NKAIN3: variants seen among roughly 807,000 people sequenced by gnomAD.
NKAIN3 encodes the protein sodium/potassium transporting ATPase interacting 3.
In NKAIN3, 25 loss-of-function variants were observed where a neutral mutation model predicts 30.2. That is an observed-to-expected ratio of 0.83 (90% CI 0.60 to 1.16). The LOEUF (loss-of-function observed/expected upper bound fraction) is 1.16. Among genes scored for constraint, NKAIN3 ranks in the 50% most tolerant of loss-of-function variants. The probability of loss-of-function intolerance (pLI) is 0.00; values close to 1 mark genes in which losing one functional copy is unlikely to be tolerated. For synonymous variants in NKAIN3, 91 were observed against 89.6 expected (o/e 1.02, Z -0.09); for missense variants, 225 against 254.1 (o/e 0.89, Z 0.78).
intron 5 of NKAIN3, among the ~76,000 whole-genome samples, chr8:62,921,472 C>T (rs1008883795): frequency 6.6e-6 from 1 of 152,210 alleles, no homozygotes; most frequent in Non-Finnish European, 1.5e-5. Flanking sequence ...CAGATATTTC[C>T]GAAGGGTAAT....
At chr8:62,371,697 A>G (rs902155197) in intron 1 of NKAIN3, among the ~76,000 whole-genome samples, 8 of 151,996 alleles carry the variant, frequency 5.3e-5, no homozygotes, top group African/African-American at 1.9e-4. Flanking sequence ...TTTATTTAAT[A>G]CACTTTAAAA....
intron 1 of NKAIN3, among the ~76,000 whole-genome samples, chr8:62,564,945 A>G (rs1809702895): frequency 6.6e-6 from 1 of 152,200 alleles, no homozygotes; most frequent in Admixed American, 6.6e-5. Flanking sequence ...TGGATTTAAT[A>G]TTGTATGTTT....
At chr8:62,258,023 T>G (rs1812313407) in intron 1 of NKAIN3, among the ~76,000 whole-genome samples, 1 of 148,858 alleles carries the variant, frequency 6.7e-6, no homozygotes, top group African/African-American at 2.6e-5. Flanking sequence ...CATGAACTAC[T>G]TATTTTATTT....
chr8:62,375,371 T>G (rs1393424433), intron 1 of NKAIN3, among the ~76,000 whole-genome samples: 1 of 152,158 alleles, frequency 6.6e-6, no homozygotes, highest in East Asian at 1.9e-4. Flanking sequence ...TGAAACCCAC[T>G]GATAGCACAC....
intron 5 of NKAIN3, among the ~76,000 whole-genome samples, chr8:62,936,178 G>T (rs993797321): frequency 6.6e-6 from 1 of 152,108 alleles, no homozygotes; most frequent in African/African-American, 2.4e-5. Flanking sequence ...GGCCATCTTC[G>T]TGATTTCGCA....
At chr8:62,655,494 AAT>A (rs1812738182) in intron 3 of NKAIN3, among the ~76,000 whole-genome samples, 1 of 152,132 alleles carries the variant, frequency 6.6e-6, no homozygotes, top group African/African-American at 2.4e-5. Context: ...CTGAATTTTA[AAT>A]AGTCACTATA....
At chr8:62,391,635 T>C (rs1817585942) in intron 1 of NKAIN3, among the ~76,000 whole-genome samples, 1 of 151,940 alleles carries the variant, frequency 6.6e-6, no homozygotes, top group Admixed American at 6.6e-5. Flanking sequence ...GCATATGTAA[T>C]ATTATTTTAA....
chr8:62,318,657 C>A (rs1398701817), intron 1 of NKAIN3, among the ~76,000 whole-genome samples: 1 of 152,148 alleles, frequency 6.6e-6, no homozygotes. Context: ...ATATGTTGAA[C>A]CAGACTTGCA....
Position 62,845,546 on chromosome 8 carries a change from T to C in NKAIN3, c.472-72907T>C, listed in dbSNP as rs751223908. The stretch of plus-strand genomic sequence containing the variant: ...ATGACGAAAGAGGATTGGATCAGGA[T>C]TGAAAACTCTAAATAACTGATGTAG... On this transcript the variant is annotated intron_variant, in intron 4 of 6. Transcript: ENST00000623646. Among the ~76,000 whole-genome samples, 119 of 152,000 alleles carry C rather than the reference T, an allele frequency of 7.8e-4. 1 individual carries two copies. Among genetic ancestry groups the C allele is most frequent in the Middle Eastern group, 6.8e-3 (2 of 294 alleles).
chr8:62,540,455 A>G (rs1170114973), intron 1 of NKAIN3, among the ~76,000 whole-genome samples: 1 of 152,182 alleles, frequency 6.6e-6, no homozygotes, highest in East Asian at 1.9e-4. Flanking sequence ...GTAGTGTACT[A>G]CATTTCCATT....
intron 4 of NKAIN3, among the ~76,000 whole-genome samples, chr8:62,837,980 T>G (rs16929679): frequency 0.084 from 12,734 of 152,008 alleles, 586 homozygotes; most frequent in South Asian, 0.14. Flanking sequence ...GTCCTAATGC[T>G]GATAAGAATG....
At chr8:62,577,612 A>G (rs1202652028) in intron 1 of NKAIN3, among the ~76,000 whole-genome samples, 1 of 145,944 alleles carries the variant, frequency 6.9e-6, no homozygotes, top group Non-Finnish European at 1.5e-5. Flanking sequence ...TGATGGCCCT[A>G]TAAATAAAAT....
At position 62,615,941 on chromosome 8, in the gene NKAIN3, C is replaced by A. The variant is rs140035210; in HGVS notation, c.273+26147C>A. ...GTTGAAGCCAGGTGCTATGATTGCT[C>A]GCCTGATTTTTGATTCTTATGAAGG... On this transcript the variant is annotated intron_variant, in intron 3 of 6. Transcript: ENST00000623646. Among the ~76,000 whole-genome samples, 1,245 of 152,060 alleles carry A rather than the reference C, an allele frequency of 8.2e-3. 7 individuals carry two copies. Among genetic ancestry groups the A allele is most frequent in the Middle Eastern group, 0.014 (4 of 294 alleles).
At chr8:62,695,033 G>A (rs992818393) in intron 3 of NKAIN3, among the ~76,000 whole-genome samples, 1 of 152,126 alleles carries the variant, frequency 6.6e-6, no homozygotes, top group Admixed American at 6.6e-5. Context: ...CCTAGTGCAA[G>A]TGCATCTATC....
In NKAIN3 at chr8:62,489,595, A is replaced by T. The variant is rs377479836; in HGVS notation, c.55-89944A>T. On this transcript the variant is annotated intron_variant, in intron 1 of 6. Coordinates refer to ENST00000623646, the MANE Select transcript of NKAIN3 (RefSeq NM_001304533.3). ...CTATAGATAGGTTTTAAGGAGTAACATTTTTAAATGATGACAAAACAGCAT... is the reference window on the plus strand; with the variant it reads ...CTATAGATAGGTTTTAAGGAGTAACTTTTTTAAATGATGACAAAACAGCAT... 2.6e-5 allele frequency among the ~76,000 whole-genome samples: 4 copies of T among 152,308 alleles called. No individual in the cohort carries two copies. In the South Asian group the frequency reaches 8.3e-4, roughly 32 times the overall value.
intron 6 of NKAIN3, among the ~76,000 whole-genome samples, chr8:62,958,971 GA>G (rs756634078): frequency 1.3e-5 from 2 of 152,206 alleles, no homozygotes; most frequent in Non-Finnish European, 2.9e-5. Flanking sequence ...GACTTGATGA[GA>G]AAAGCTGACC....
intron 1 of NKAIN3, among the ~76,000 whole-genome samples, chr8:62,573,211 T>A (rs1170514819): frequency 6.6e-6 from 1 of 152,172 alleles, no homozygotes; most frequent in Non-Finnish European, 1.5e-5. Flanking sequence ...AACACTAATA[T>A]TTTATTCAAT....
intron 1 of NKAIN3, among the ~76,000 whole-genome samples, chr8:62,480,104 ACTTCTT>A (rs757317889): frequency 6.6e-6 from 1 of 152,208 alleles, no homozygotes; most frequent in African/African-American, 2.4e-5. Flanking sequence ...GGAATTCAGT[ACTTCTT>A]CATCTTATAA....
intron 5 of NKAIN3, among the ~76,000 whole-genome samples, chr8:62,931,053 T>C (rs1447902062): frequency 6.6e-6 from 1 of 152,230 alleles, no homozygotes; most frequent in Non-Finnish European, 1.5e-5. Context: ...TACATTCCTT[T>C]AAATAATCTG....
Sources: gnomAD v4.1 joint callset for allele counts (sites outside exome capture counted in the v4.1 genomes callset) on GRCh38, gnomAD v4.1.1 for gene constraint, MANE v1.5 for transcripts, NCBI Gene and HGNC (gene_info 2026-07-23, HGNC 2026-07-21) for gene names.